The following NCK2 variants were observed in gnomAD, a reference collection of about 807,000 sequenced individuals.
The protein encoded by NCK2 is cytoplasmic protein NCK2.
NCK2 carries 16 observed loss-of-function variants against 33.9 expected under a neutral mutation model. The observed-to-expected ratio is 0.47, with a 90% CI of 0.32 to 0.72. The LOEUF (loss-of-function observed/expected upper bound fraction) is 0.72. NCK2 is among the 30% of genes least tolerant of loss of function. NCK2 has a pLI of 0.03. For synonymous variants in NCK2, 273 were observed against 239.9 expected, an observed-to-expected ratio of 1.14 and a Z score of -1.27; for missense variants, 418 against 537.3, an observed-to-expected ratio of 0.78 and a Z score of 2.19.
chr2:105,823,132 C>CTGTGTG (rs10610689), intron 2 of NCK2, among the ~76,000 whole-genome samples: 5,844 of 148,508 alleles, frequency 0.039, 180 homozygotes, highest in South Asian at 0.12. Context: ...TCCTCTCATG[C>CTGTGTG]TGTGTGTGTG....
intron 3 of NCK2, among the ~76,000 whole-genome samples, chr2:105,869,614 T>G (rs1375843488): frequency 6.6e-6 from 1 of 152,196 alleles, no homozygotes; most frequent in Admixed American, 6.5e-5. Context: ...TCGTCACATT[T>G]CACTTTCCTG....
In NCK2 at chr2:105,893,927, A is replaced by G. The variant is rs1679102941; in HGVS notation, c.*751A>G. The G allele has an allele frequency of 6.6e-6, 1 of 152,510 alleles. No homozygotes were observed. Among genetic ancestry groups the G allele is most frequent in the Non-Finnish European group, 1.5e-5 (1 of 68,038 alleles). 9.4% of individuals were successfully genotyped at this position (152,510 alleles called of 1,614,324 possible). A position where few individuals can be genotyped will look rare whatever the true frequency, so the allele number is the denominator to read the frequency against. ...TATCTGTAGCCGTTTGTTGACACTA[A>G]TACAGATGATTAAGGAAAACAGCTG... On this transcript the variant is annotated 3_prime_UTR_variant, in exon 5 of 5. Coordinates refer to ENST00000233154, the MANE Select transcript of NCK2 (RefSeq NM_003581.5).
chr2:105,864,882 T>C (rs1677687227), intron 3 of NCK2, among the ~76,000 whole-genome samples: 1 of 147,972 alleles, frequency 6.8e-6, no homozygotes, highest in South Asian at 2.1e-4. Flanking sequence ...CACGGTTCCC[T>C]GCAAATGGAT....
At chr2:105,857,509 T>C (rs547505200) in intron 3 of NCK2, among the ~76,000 whole-genome samples, 5 of 152,258 alleles carry the variant, frequency 3.3e-5, no homozygotes, top group Non-Finnish European at 7.3e-5. Flanking sequence ...TTCTGCCCTC[T>C]AGGCCTGTGC....
Position 105,844,222 on chromosome 2 carries a change from C to G in NCK2, c.-16-10826C>G, listed in dbSNP as rs114544799. Among the ~76,000 whole-genome samples, 264 of 152,244 alleles carry G rather than the reference C, an allele frequency of 1.7e-3. 2 individuals carry two copies. The highest frequency in any genetic ancestry group is 6.1e-3 in the African/African-American group (255 of 41,554). On this transcript the variant is annotated intron_variant, in intron 2 of 4. Transcript: ENST00000233154. ...AGGGAAGTCTGAGAACTGCCACAGT[C>G]AAGAGGCGCCTAAGCAGACGTGACA... is the stretch of plus-strand genomic sequence containing the variant.
At chr2:105,798,903 C>A (rs914777881) in intron 1 of NCK2, among the ~76,000 whole-genome samples, 1 of 152,102 alleles carries the variant, frequency 6.6e-6, no homozygotes, top group East Asian at 1.9e-4. Flanking sequence ...GAAGTTATAC[C>A]AGGTTGTTGT....
At chr2:105,802,661 G>A (rs931256254) in intron 1 of NCK2, among the ~76,000 whole-genome samples, 6 of 152,216 alleles carry the variant, frequency 3.9e-5, no homozygotes, top group African/African-American at 1.2e-4. Context: ...TCATCACCAC[G>A]AGGAAGGCAC....
At chr2:105,770,115 A>G (rs1690079932) in intron 1 of NCK2, among the ~76,000 whole-genome samples, 1 of 128,308 alleles carries the variant, frequency 7.8e-6, no homozygotes, top group Admixed American at 8.1e-5. Flanking sequence ...AACATAAAGC[A>G]CTAATAAGTA....
At chr2:105,805,708 G>A (rs992431477) in intron 1 of NCK2, among the ~76,000 whole-genome samples, 1 of 152,114 alleles carries the variant, frequency 6.6e-6, no homozygotes, top group African/African-American at 2.4e-5. Flanking sequence ...ATGTCTTTCT[G>A]TACCTGGCTT....
intron 1 of NCK2, among the ~76,000 whole-genome samples, chr2:105,753,953 A>G (rs1573553073): frequency 6.6e-6 from 1 of 152,158 alleles, no homozygotes; most frequent in Non-Finnish European, 1.5e-5. Flanking sequence ...GAACTCTGAC[A>G]CTGGCTGCTC....
At chr2:105,772,104 T>TG (rs1299021757) in intron 1 of NCK2, among the ~76,000 whole-genome samples, 1 of 150,482 alleles carries the variant, frequency 6.6e-6, no homozygotes, top group African/African-American at 2.4e-5. Flanking sequence ...GTCTGAAGGA[T>TG]GGCGGAGGGG....
chr2:105,831,777 G>C (rs1241011707), intron 2 of NCK2, among the ~76,000 whole-genome samples: 1 of 152,098 alleles, frequency 6.6e-6, no homozygotes, highest in African/African-American at 2.4e-5. Context: ...CCAATACGAT[G>C]CTGTTTTGAT....
intron 1 of NCK2, among the ~76,000 whole-genome samples, chr2:105,769,067 C>T (rs367751146): frequency 2.1e-3 from 318 of 152,286 alleles, no homozygotes; most frequent in African/African-American, 6.7e-3. Flanking sequence ...TCCAGGCTAT[C>T]TAGGGGCACC....
At chr2:105,865,309 A>G (rs1677702319) in intron 3 of NCK2, among the ~76,000 whole-genome samples, 1 of 152,148 alleles carries the variant, frequency 6.6e-6, no homozygotes, top group South Asian at 2.1e-4. Flanking sequence ...TAATAGCCTC[A>G]TTTTGCATGT....
intron 1 of NCK2, among the ~76,000 whole-genome samples, chr2:105,745,376 C>T (rs1268010172): frequency 1.3e-5 from 2 of 151,848 alleles, no homozygotes; most frequent in Non-Finnish European, 2.9e-5. Context: ...CCCTAACCCC[C>T]ACCATCGGGG....
intron 3 of NCK2, among the ~76,000 whole-genome samples, chr2:105,865,880 G>A (rs1291899838): frequency 6.7e-6 from 1 of 149,778 alleles, no homozygotes; most frequent in East Asian, 2.0e-4. Context: ...TTAATCAGTT[G>A]TCTTCACTCT....
intron 1 of NCK2, among the ~76,000 whole-genome samples, chr2:105,794,918 C>T (rs981420953): frequency 6.6e-6 from 1 of 152,106 alleles, no homozygotes; most frequent in African/African-American, 2.4e-5. Flanking sequence ...TGTATGACTA[C>T]TCTCTCTATC....
chr2:105,882,445 CTGG>C (rs1359615983), intron 4 of NCK2, among the ~76,000 whole-genome samples: 2 of 152,210 alleles, frequency 1.3e-5, no homozygotes, highest in African/African-American at 4.8e-5. Flanking sequence ...CTTTGCAAGA[CTGG>C]TGGCTGGTTT....
At chr2:105,793,088 G>C (rs183644161) in intron 1 of NCK2, among the ~76,000 whole-genome samples, 9 of 152,204 alleles carry the variant, frequency 5.9e-5, no homozygotes, top group Non-Finnish European at 5.9e-5. Flanking sequence ...TATAATGGCC[G>C]TGGAATTGAG....
Sources: gnomAD v4.1 joint callset for allele counts (sites outside exome capture counted in the v4.1 genomes callset) on GRCh38, gnomAD v4.1.1 for gene constraint, MANE v1.5 for transcripts, NCBI Gene and HGNC (gene_info 2026-07-23, HGNC 2026-07-21) for gene names.